ZMAT4: variants seen among roughly 807,000 people sequenced by gnomAD.
ZMAT4 encodes the protein zinc finger matrin-type 4, also known as zinc finger matrin-type protein 4.
In ZMAT4, 17 loss-of-function variants were observed where a neutral mutation model predicts 28.7. That is an observed-to-expected ratio of 0.59 (90% CI 0.41 to 0.89). ZMAT4 has a LOEUF of 0.89. Among genes scored for constraint, ZMAT4 ranks in the 40% least tolerant of loss-of-function variants. The probability of loss-of-function intolerance (pLI) is 0.00; values close to 1 mark genes in which losing one functional copy is unlikely to be tolerated. For synonymous variants in ZMAT4, 117 were observed against 109.2 expected (o/e 1.07, Z -0.44); for missense variants, 240 against 283.8 (o/e 0.85, Z 1.11).
intron 5 of ZMAT4, among the ~76,000 whole-genome samples, chr8:40,608,454 G>A (rs1481743521): frequency 1.3e-5 from 2 of 152,182 alleles, no homozygotes; most frequent in Non-Finnish European, 2.9e-5. Flanking sequence ...TTTATTTCCA[G>A]GCAGCTAGTG....
At chr8:40,806,257 G>A (rs891506419) in intron 2 of ZMAT4, among the ~76,000 whole-genome samples, 1 of 152,194 alleles carries the variant, frequency 6.6e-6, no homozygotes, top group African/African-American at 2.4e-5. Context: ...AGTTTCAAAC[G>A]TCTAAACCTC....
intron 2 of ZMAT4, among the ~76,000 whole-genome samples, chr8:40,821,426 T>C (rs1815824758): frequency 8.7e-6 from 1 of 114,602 alleles, no homozygotes. Context: ...TGTTAATGTG[T>C]TCTTAACGCT....
At chr8:40,660,814 G>C (rs1243923132) in intron 5 of ZMAT4, among the ~76,000 whole-genome samples, 1 of 152,142 alleles carries the variant, frequency 6.6e-6, no homozygotes, top group Non-Finnish European at 1.5e-5. Flanking sequence ...AATGAGCTCA[G>C]CTTTTGTTCA....
chr8:40,836,850 G>A (rs940986025), intron 1 of ZMAT4, among the ~76,000 whole-genome samples: 1 of 152,108 alleles, frequency 6.6e-6, no homozygotes, highest in Non-Finnish European at 1.5e-5. Context: ...ATGTTGTACG[G>A]GTGCTCATTC....
intron 5 of ZMAT4, among the ~76,000 whole-genome samples, chr8:40,587,655 TAAA>T (rs1367881719): frequency 6.6e-6 from 1 of 151,548 alleles, no homozygotes; most frequent in Non-Finnish European, 1.5e-5. Context: ...AATGGAATAA[TAAA>T]AAGTATTAGA....
intron 5 of ZMAT4, among the ~76,000 whole-genome samples, chr8:40,582,529 A>C (rs1481950670): frequency 6.6e-6 from 1 of 152,208 alleles, no homozygotes; most frequent in East Asian, 1.9e-4. Context: ...ATGTTTAGCA[A>C]ATGAGTACAA....
intron 5 of ZMAT4, among the ~76,000 whole-genome samples, chr8:40,644,610 G>T (rs919972234): frequency 2.6e-5 from 4 of 152,078 alleles, no homozygotes; most frequent in Non-Finnish European, 5.9e-5. Context: ...AACCTCACAT[G>T]CAGAATTATT....
Position 40,690,625 on chromosome 8 carries a change from A to G in ZMAT4, c.349+6620T>C, listed in dbSNP as rs78148596. Among the ~76,000 whole-genome samples, 1,270 of 152,288 alleles carry G rather than the reference A, an allele frequency of 8.3e-3. 24 individuals carry two copies. Among genetic ancestry groups the G allele is most frequent in the African/African-American group, 0.029 (1,208 of 41,562 alleles). ...TAACTGCTATGGTGTATGAAATCTT[A>G]TATGCAAATATGAGGTGCTGATTGA... On this transcript the variant is annotated intron_variant, in intron 4 of 6. Coordinates refer to ENST00000297737, the MANE Select transcript of ZMAT4 (RefSeq NM_024645.3).
At chr8:40,861,928 T>C (rs1299984033) in intron 1 of ZMAT4, among the ~76,000 whole-genome samples, 1 of 152,078 alleles carries the variant, frequency 6.6e-6, no homozygotes, top group Non-Finnish European at 1.5e-5. Context: ...CAACAGGTGC[T>C]GGAGAGGATG....
intron 3 of ZMAT4, among the ~76,000 whole-genome samples, chr8:40,764,446 C>T (rs1813061522): frequency 6.6e-6 from 1 of 152,110 alleles, no homozygotes; most frequent in Non-Finnish European, 1.5e-5. Context: ...TATAATAGGC[C>T]CTTCACTGCG....
At chr8:40,801,351 A>AAAAAAAATAT (rs370796453) in intron 2 of ZMAT4, among the ~76,000 whole-genome samples, 1 of 97,258 alleles carries the variant, frequency 1.0e-5, no homozygotes, top group African/African-American at 3.7e-5. Flanking sequence ...TAAAAAAAAA[A>AAAAAAAATAT]ATATATATAT....
intron 3 of ZMAT4, among the ~76,000 whole-genome samples, chr8:40,750,603 G>A (rs1304543760): frequency 6.6e-6 from 1 of 152,160 alleles, no homozygotes; most frequent in Non-Finnish European, 1.5e-5. Context: ...ATAAACTTAT[G>A]TTTTGTGGGA....
chr8:40,724,067 T>A (rs1811218675), intron 3 of ZMAT4, among the ~76,000 whole-genome samples: 1 of 152,166 alleles, frequency 6.6e-6, no homozygotes, highest in Non-Finnish European at 1.5e-5. Context: ...GTTTTTTTTT[T>A]CTTTTCTTGT....
intron 5 of ZMAT4, among the ~76,000 whole-genome samples, chr8:40,600,714 G>A (rs947440305): frequency 1.3e-5 from 2 of 152,166 alleles, no homozygotes; most frequent in African/African-American, 4.8e-5. Context: ...GTTCCTCCAT[G>A]AGTATGCAGA....
chr8:40,706,786 C>T (rs1232283855), intron 3 of ZMAT4, among the ~76,000 whole-genome samples: 1 of 152,106 alleles, frequency 6.6e-6, no homozygotes, highest in Admixed American at 6.6e-5. Context: ...AATCCCAGCA[C>T]TAAAATCCTC....
chr8:40,559,658 T>C (rs1017364746), intron 6 of ZMAT4, among the ~76,000 whole-genome samples: 1 of 152,064 alleles, frequency 6.6e-6, no homozygotes, highest in Non-Finnish European at 1.5e-5. Flanking sequence ...AATTTATAAA[T>C]GATATAATTT....
intron 5 of ZMAT4, among the ~76,000 whole-genome samples, chr8:40,588,575 A>G (rs1804747843): frequency 6.6e-6 from 1 of 152,108 alleles, no homozygotes; most frequent in Admixed American, 6.6e-5. Context: ...ACAATTAAAT[A>G]CTATTGCATA....
intron 2 of ZMAT4, among the ~76,000 whole-genome samples, chr8:40,773,986 A>G (rs1308978884): frequency 2.6e-5 from 4 of 152,282 alleles, no homozygotes; most frequent in Non-Finnish European, 4.4e-5. Flanking sequence ...ATTTGGGACT[A>G]AAAGAAAACT....
intron 5 of ZMAT4, among the ~76,000 whole-genome samples, chr8:40,595,595 A>G (rs1475131431): frequency 6.6e-6 from 1 of 152,196 alleles, no homozygotes; most frequent in Non-Finnish European, 1.5e-5. Flanking sequence ...TCTGTAGGCC[A>G]TTATTATGCA....
Sources: allele counts gnomAD v4.1 joint callset (sites outside exome capture counted in the v4.1 genomes callset), GRCh38; gene constraint gnomAD v4.1.1; transcripts MANE v1.5; gene names NCBI Gene and HGNC (gene_info 2026-07-23, HGNC 2026-07-21).